The following NMB variants were observed in gnomAD, a reference collection of about 807,000 sequenced individuals.
NMB encodes the protein neuromedin B, also known as neuromedin-B.
A neutral mutation model predicts 11.7 loss-of-function variants in NMB; 12 were observed. The ratio of observed to expected loss-of-function variants is 1.03; its 90% confidence interval spans 0.66 to 1.66. NMB has a LOEUF of 1.66. NMB is among the 40% of genes most tolerant of loss of function. The pLI, the probability that NMB is intolerant of heterozygous loss-of-function variation, is 0.00. For missense variants in NMB, 174 were observed against 157.9 expected, an observed-to-expected ratio of 1.10 and a Z score of -0.55; for synonymous variants, 76 against 72.6, an observed-to-expected ratio of 1.05 and a Z score of -0.24.
At position 84,657,109 on chromosome 15, in the gene NMB, T is replaced by A. The variant is rs143098428; in HGVS notation, c.330+67A>T. On this transcript the variant is annotated intron_variant, in intron 2 of 2. Transcript: ENST00000360476. The stretch of plus-strand genomic sequence containing the variant: ...TAATACAGTACTGGGTGGTAATTCC[T>A]CCCATGCAGGATCCGGGGATGGCCC... The A allele has an allele frequency of 1.8e-5, 26 of 1,452,788 alleles. No individual in the cohort carries two copies. In the African/African-American group the frequency reaches 3.7e-4, roughly 21 times the overall value. The allele number at this position is 1,452,788 out of a possible 1,614,324, so 90.0% of individuals were successfully genotyped here.
rs980179805 is a variant in NMB at position 84,657,446 on chromosome 15, G to A, written c.158-98C>T. 111 of 1,172,496 alleles carry A rather than the reference G, an allele frequency of 9.5e-5. No individual in the cohort carries two copies. In the South Asian group the frequency reaches 1.8e-3, roughly 19 times the overall value. 72.6% of individuals were successfully genotyped at this position (1,172,496 alleles called of 1,614,324 possible). The stretch of plus-strand genomic sequence containing the variant: ...TCTCCCACGTTTCCGTTCTTGTAGC[G>A]GGAAGACACTTAACCTTCCTCCTCT... On this transcript the variant is annotated intron_variant, in intron 1 of 2. Transcript: ENST00000360476.
intron 2 of NMB, among the ~76,000 whole-genome samples, chr15:84,655,836 C>T (rs762156386): frequency 9.2e-5 from 14 of 152,176 alleles, no homozygotes; most frequent in Non-Finnish European, 1.8e-4. Flanking sequence ...CAGACTCAGC[C>T]AGCCCAAGCT....
At chr15:84,657,147 C>G in intron 2 of NMB, 29 bp downstream of exon 2, 1 of 1,598,226 alleles carries the variant, frequency 6.3e-7, no homozygotes, top group Non-Finnish European at 8.5e-7. Flanking sequence ...GCTGGGCCCT[C>G]CTGACATTGG....
At position 84,655,347 on chromosome 15, in the gene NMB, G is replaced by A. The variant is rs1021819248; in HGVS notation, c.*27C>T. 3.7e-6 allele frequency: 6 copies of A among 1,614,172 alleles called. No homozygotes were observed. The highest frequency in any genetic ancestry group is 1.3e-5 in the African/African-American group (1 of 75,040). On this transcript the variant is annotated 3_prime_UTR_variant, in exon 3 of 3. Coordinates refer to ENST00000360476, the MANE Select transcript of NMB (RefSeq NM_021077.4). ...CCTGGGTGGGCACAATCTAAGCCACGCTGTTGTGTCTGCCCCATTATTGGT... is the reference window on the plus strand; with the variant it reads ...CCTGGGTGGGCACAATCTAAGCCACACTGTTGTGTCTGCCCCATTATTGGT...
intron 2 of NMB, 26 bp from the exon 3 acceptor site, chr15:84,655,435 G>T (rs775846535): frequency 6.2e-7 from 1 of 1,612,890 alleles, no homozygotes; most frequent in African/African-American, 1.3e-5. Flanking sequence ...CAGAAGAATT[G>T]AGCCAGGGAG....
At chr15:84,655,490 AGATGTCTGCAGAG>A in intron 2 of NMB, 81 bp from the exon 3 acceptor site, 4 of 1,572,414 alleles carry the variant, frequency 2.5e-6, no homozygotes, top group Non-Finnish European at 3.5e-6. Flanking sequence ...CCTAAGTGCC[AGATGTCTGCAGAG>A]GTGGGCACCA....
At chr15:84,656,364 C>A (rs1896782951) in intron 2 of NMB, among the ~76,000 whole-genome samples, 2 of 151,836 alleles carry the variant, frequency 1.3e-5, no homozygotes, top group African/African-American at 2.4e-5. Flanking sequence ...CTCAGCGGGG[C>A]TATACCTTGA....
At chr15:84,657,423 T>G in intron 1 of NMB, 75 bp from the exon 2 acceptor site, 3 of 1,305,584 alleles carry the variant, frequency 2.3e-6, no homozygotes, top group Non-Finnish European at 3.0e-6. Flanking sequence ...TCCTCATCTC[T>G]CCCACGTTTC....
Position 84,655,211 on chromosome 15 carries a change from A to T in NMB, c.*163T>A. The T allele has an allele frequency of 6.5e-7, 1 of 1,526,848 alleles. No individual in the cohort carries two copies. The highest frequency in any genetic ancestry group is 8.8e-7 in the Non-Finnish European group (1 of 1,131,452). 94.6% of individuals were successfully genotyped at this position (1,526,848 alleles called of 1,614,324 possible). ...CAGGAACATAATCTGTGTCTGCATCAGCGATATTTCTGGTGACCCAGCCAG... is the reference window on the plus strand; with the variant it reads ...CAGGAACATAATCTGTGTCTGCATCTGCGATATTTCTGGTGACCCAGCCAG... On this transcript the variant is annotated 3_prime_UTR_variant, in exon 3 of 3. Transcript: ENST00000360476.
At chr15:84,657,837 C>G (rs1265348364) in intron 1 of NMB, among the ~76,000 whole-genome samples, 159 bp downstream of exon 1, 2 of 152,156 alleles carry the variant, frequency 1.3e-5, no homozygotes, top group East Asian at 3.9e-4. Context: ...CTGACCTGTC[C>G]GGGTCTCAAG....
Position 84,657,165 on chromosome 15 carries a change from GC to G in NMB, c.330+10del. ...GGGCCCTCCTGACATTGGAGCAGGG[GC>G]CCGGCTCACCTGGATTTGGGGTGCG... On this transcript the variant is annotated intron_variant, in intron 2 of 2. Coordinates refer to ENST00000360476, the MANE Select transcript of NMB (RefSeq NM_021077.4). The G allele has an allele frequency of 6.2e-7, 1 of 1,605,938 alleles. No individual in the cohort carries two copies. Among genetic ancestry groups the G allele is most frequent in the Non-Finnish European group, 8.5e-7 (1 of 1,177,772 alleles).
At chr15:84,657,845 A>G in intron 1 of NMB, 151 bp downstream of exon 1, 6 of 913,738 alleles carry the variant, frequency 6.6e-6, no homozygotes, top group Non-Finnish European at 7.7e-6. Context: ...TCCGGGTCTC[A>G]AGTACATATC....
At chr15:84,655,952 C>G (rs1896775360) in intron 2 of NMB, among the ~76,000 whole-genome samples, 1 of 152,098 alleles carries the variant, frequency 6.6e-6, no homozygotes. Context: ...AATGCCTCTC[C>G]CTTCAAAATG....
chr15:84,656,472 G>A (rs1050017145), intron 2 of NMB, among the ~76,000 whole-genome samples: 1 of 150,650 alleles, frequency 6.6e-6, no homozygotes, highest in Non-Finnish European at 1.5e-5. Context: ...GACATCTGGT[G>A]ATGTCTGGAG....
chr15:84,657,152 C>T lies in NMB; in HGVS notation c.330+24G>A, dbSNP rs1263233255. On this transcript the variant is annotated intron_variant, in intron 2 of 2. Transcript: ENST00000360476. ...GATGGCCCCAGCTGGGCCCTCCTGACATTGGAGCAGGGGCCCGGCTCACCT... is the reference window on the plus strand; with the variant it reads ...GATGGCCCCAGCTGGGCCCTCCTGATATTGGAGCAGGGGCCCGGCTCACCT... The T allele has an allele frequency of 1.9e-6, 3 of 1,600,642 alleles. No individual in the cohort carries two copies. The South Asian group carries it at 3.4e-5, about 18-fold the overall frequency.
Position 84,655,251 on chromosome 15 carries a change from G to A in NMB, c.*123C>T, listed in dbSNP as rs749194644. The A allele has an allele frequency of 6.9e-6, 11 of 1,585,670 alleles. No homozygotes were observed. Among genetic ancestry groups the A allele is most frequent in the Non-Finnish European group, 8.6e-6 (10 of 1,164,744 alleles). ...GACCCAGCCAGAAATCACAGTAATG[G>A]AGTAACAGAGATTTGAGCTCAGGAT... On this transcript the variant is annotated 3_prime_UTR_variant, in exon 3 of 3. Coordinates refer to ENST00000360476, the MANE Select transcript of NMB (RefSeq NM_021077.4).
chr15:84,656,131 T>A (rs1896778707), intron 2 of NMB, among the ~76,000 whole-genome samples: 1 of 152,198 alleles, frequency 6.6e-6, no homozygotes, highest in Non-Finnish European at 1.5e-5. Context: ...GAGATGGGCC[T>A]TATTATCTTC....
At chr15:84,657,929 G>A in intron 1 of NMB, 67 bp downstream of exon 1, 1 of 1,509,956 alleles carries the variant, frequency 6.6e-7, no homozygotes, top group South Asian at 1.2e-5. Flanking sequence ...GCGGCCAGAG[G>A]GTTGAGAAGG....
chr15:84,658,000 G>T lies in NMB; in HGVS notation c.153C>A (p.Ala51=). ...GCTCCGTCCCCAAAGACTTACCGGT[G>T]GCCCAGAGGTTGCCTCGCGAGTGCA... The part of the protein sequence containing the change: ...IRVHSRGNLW[A]TGHFMGKKSL... The change falls in exon 1 of 3, where the codon GCC becomes GCA. Residue 51 remains alanine (A), a synonymous_variant. Coordinates refer to ENST00000360476, the MANE Select transcript of NMB (RefSeq NM_021077.4). 1 of 1,591,514 alleles carries T rather than the reference G, an allele frequency of 6.3e-7. No individual in the cohort carries two copies. The highest frequency in any genetic ancestry group is 1.4e-5 in the African/African-American group (1 of 72,122).
Sources: allele counts gnomAD v4.1 joint callset (sites outside exome capture counted in the v4.1 genomes callset), GRCh38; gene constraint gnomAD v4.1.1; transcripts MANE v1.5; gene names NCBI Gene and HGNC (gene_info 2026-07-23, HGNC 2026-07-21).